CDH13: variants seen among roughly 807,000 people sequenced by gnomAD.
The protein encoded by CDH13 is cadherin-13.
Under a neutral mutation model 63.8 loss-of-function variants are expected in CDH13, and 24 were observed. That is an observed-to-expected ratio of 0.38 (90% CI 0.27 to 0.53). The LOEUF (loss-of-function observed/expected upper bound fraction) is 0.53. CDH13 is among the 20% of genes least tolerant of loss of function. The pLI, the probability that CDH13 is intolerant of heterozygous loss-of-function variation, is 0.85. For synonymous variants in CDH13, 503 were observed against 355.3 expected, an observed-to-expected ratio of 1.42 and a Z score of -4.67; for missense variants, 1,049 against 903.1, an observed-to-expected ratio of 1.16 and a Z score of -2.07.
At chr16:83,684,956 C>T (rs983103409) in intron 10 of CDH13, among the ~76,000 whole-genome samples, 1 of 152,078 alleles carries the variant, frequency 6.6e-6, no homozygotes. Context: ...CCACACGGCC[C>T]CACACAGGGT....
intron 2 of CDH13, among the ~76,000 whole-genome samples, chr16:82,997,303 T>C (rs1912354397): frequency 6.6e-6 from 1 of 152,198 alleles, no homozygotes. Context: ...AAACTCACAG[T>C]GCTCAGTATT....
intron 3 of CDH13, among the ~76,000 whole-genome samples, chr16:83,058,267 A>T (rs2031159148): frequency 6.6e-6 from 1 of 152,094 alleles, no homozygotes; most frequent in Non-Finnish European, 1.5e-5. Flanking sequence ...GTTACTGGGG[A>T]AAAACTGGAT....
At chr16:83,603,292 G>C (rs1908021580) in intron 8 of CDH13, among the ~76,000 whole-genome samples, 1 of 152,230 alleles carries the variant, frequency 6.6e-6, no homozygotes, top group Non-Finnish European at 1.5e-5. Flanking sequence ...GCATGGATTT[G>C]ATGCCCTTCT....
chr16:83,143,620 G>C (rs1233720283), intron 4 of CDH13, among the ~76,000 whole-genome samples: 9 of 152,116 alleles, frequency 5.9e-5, no homozygotes, highest in Non-Finnish European at 2.9e-5. Context: ...TGGAGAGGTG[G>C]CATTTATCAT....
At chr16:82,843,320 G>A (rs1368665790) in intron 1 of CDH13, among the ~76,000 whole-genome samples, 2 of 152,138 alleles carry the variant, frequency 1.3e-5, no homozygotes, top group Non-Finnish European at 2.9e-5. Flanking sequence ...ACATCCAATT[G>A]GCATTCAGTG....
chr16:83,644,126 T>C (rs867545275), intron 8 of CDH13, among the ~76,000 whole-genome samples: 1 of 152,224 alleles, frequency 6.6e-6, no homozygotes, highest in South Asian at 2.1e-4. Context: ...AATTCTGTAA[T>C]CTCCTTCTCT....
intron 4 of CDH13, among the ~76,000 whole-genome samples, chr16:83,188,100 G>A (rs1025522141): frequency 3.9e-5 from 6 of 152,190 alleles, no homozygotes; most frequent in African/African-American, 1.4e-4. Flanking sequence ...AGGTCTTGGA[G>A]CCCACCATGA....
At chr16:82,792,230 T>G (rs2036346156) in intron 1 of CDH13, among the ~76,000 whole-genome samples, 1 of 152,182 alleles carries the variant, frequency 6.6e-6, no homozygotes, top group African/African-American at 2.4e-5. Context: ...CCGGGATTCC[T>G]GCCGCGTGGG....
chr16:83,753,223 C>G (rs1409794742), intron 11 of CDH13, among the ~76,000 whole-genome samples: 1 of 152,104 alleles, frequency 6.6e-6, no homozygotes, highest in African/African-American at 2.4e-5. Flanking sequence ...TATGTTTAAC[C>G]CGGAAAAGCC....
At chr16:83,634,127 GTGTGTGTA>G (rs766028244) in intron 8 of CDH13, among the ~76,000 whole-genome samples, 5,308 of 107,244 alleles carry the variant, frequency 0.049, 130 homozygotes, top group East Asian at 0.11. Context: ...CTGTGTGTGT[GTGTGTGTA>G]TGTGTGTGTG....
At chr16:83,055,423 G>A (rs1214988522) in intron 3 of CDH13, among the ~76,000 whole-genome samples, 3 of 151,518 alleles carry the variant, frequency 2.0e-5, no homozygotes, top group African/African-American at 7.3e-5. Context: ...TTAAACAAAT[G>A]GAGACAGCAC....
intron 2 of CDH13, among the ~76,000 whole-genome samples, chr16:82,929,361 C>T (rs1409730907): frequency 6.6e-6 from 1 of 151,802 alleles, no homozygotes; most frequent in African/African-American, 2.4e-5. Flanking sequence ...CATGAGGACA[C>T]AATGAAAAGA....
chr16:82,995,255 G>A (rs1912074808), intron 2 of CDH13, among the ~76,000 whole-genome samples: 2 of 152,138 alleles, frequency 1.3e-5, no homozygotes, highest in Non-Finnish European at 2.9e-5. Context: ...CCTCCGTTTT[G>A]CAACAGCAGA....
At chr16:83,670,706 T>G in intron 8 of CDH13, 84 bp from the exon 9 acceptor site, 1 of 1,115,272 alleles carries the variant, frequency 9.0e-7, no homozygotes, top group Non-Finnish European at 1.4e-6. Flanking sequence ...TGAGATGATG[T>G]GTGTAACATA....
chr16:83,179,481 T>TAAAAAAAAAAAAAAAAAAA lies in CDH13; in HGVS notation c.484-37861_484-37843dup, dbSNP rs565547312. 9.1e-4 allele frequency among the ~76,000 whole-genome samples: 63 copies of TAAAAAAAAAAAAAAAAAAA among 69,054 alleles called. 2 individuals carry two copies. Among genetic ancestry groups the TAAAAAAAAAAAAAAAAAAA allele is most frequent in the Middle Eastern group, 0.016 (2 of 128 alleles). The allele number at this position is 69,054 out of a possible 152,430, so 45.3% of individuals were successfully genotyped here. A position where few individuals can be genotyped will look rare whatever the true frequency, so the allele number is the denominator to read the frequency against. On this transcript the variant is annotated intron_variant, in intron 4 of 13. Transcript: ENST00000567109. The stretch of plus-strand genomic sequence containing the variant: ...TAACACAGTGAAACCCCGTCTCTAC[T>TAAAAAAAAAAAAAAAAAAA]AAAAAAAAAAAAAAAAAAAAATTAG...
intron 6 of CDH13, among the ~76,000 whole-genome samples, chr16:83,349,069 C>T (rs1346492448): frequency 6.6e-6 from 1 of 152,160 alleles, no homozygotes; most frequent in Non-Finnish European, 1.5e-5. Flanking sequence ...GACAGGAGAC[C>T]ATTCCGGCTG....
intron 7 of CDH13, among the ~76,000 whole-genome samples, chr16:83,533,642 A>ATT (rs2075129332): frequency 8.7e-6 from 1 of 114,288 alleles, no homozygotes; most frequent in African/African-American, 3.5e-5. Context: ...TTTTTTTGAG[A>ATT]TGGAGTCTCA....
At chr16:82,767,467 CGA>C (rs2151091885) in intron 1 of CDH13, among the ~76,000 whole-genome samples, 1 of 152,254 alleles carries the variant, frequency 6.6e-6, no homozygotes, top group South Asian at 2.1e-4. Flanking sequence ...GTTGTTGCAC[CGA>C]TGTGCTTTCT....
At position 83,292,720 on chromosome 16, in the gene CDH13, G is replaced by A. The variant is rs114938540; in HGVS notation, c.637-52142G>A. 4.0e-3 allele frequency among the ~76,000 whole-genome samples: 609 copies of A among 152,190 alleles called. 5 individuals are homozygous for A. Among genetic ancestry groups the A allele is most frequent in the African/African-American group, 0.011 (449 of 41,512 alleles). ...CATTAAAAACAACAACCATGATCAG[G>A]TGACATTGTATTTGTGAATATCCTC... On this transcript the variant is annotated intron_variant, in intron 5 of 13. Transcript: ENST00000567109.
Sources: gnomAD v4.1 joint callset for allele counts (sites outside exome capture counted in the v4.1 genomes callset) on GRCh38, gnomAD v4.1.1 for gene constraint, MANE v1.5 for transcripts, NCBI Gene and HGNC (gene_info 2026-07-23, HGNC 2026-07-21) for gene names.